Variants in TGFB2 observed in about 807,000 individuals in gnomAD.
The protein encoded by TGFB2 is transforming growth factor beta-2 proprotein.
TGFB2 carries 13 observed loss-of-function variants against 42.7 expected under a neutral mutation model. The ratio of observed to expected loss-of-function variants is 0.30; its 90% CI spans 0.20 to 0.48. TGFB2 has a LOEUF of 0.48. Among genes scored for constraint, TGFB2 ranks in the 20% least tolerant of loss-of-function variants. The probability of loss-of-function intolerance (pLI) is 0.99; values close to 1 mark genes in which losing one functional copy is unlikely to be tolerated. For synonymous variants in TGFB2, 193 were observed against 193.6 expected, an observed-to-expected ratio of 1.00 and a Z score of 0.03; for missense variants, 390 against 517.5, an observed-to-expected ratio of 0.75 and a Z score of 2.39.
chr1:218,364,157 G>T (rs1345515283), intron 1 of TGFB2, among the ~76,000 whole-genome samples: 1 of 152,144 alleles, frequency 6.6e-6, no homozygotes, highest in African/African-American at 2.4e-5. Flanking sequence ...CTGATTATTT[G>T]TGACCTTTGT....
Position 218,383,860 on chromosome 1 carries a change from G to T in TGFB2, c.347-21309G>T, listed in dbSNP as rs543945202. ...GGCTTTGGATTTCCCCATCTAGAAA[G>T]GTAGAGAGTAAACATGTACTGACAA... On this transcript the variant is annotated intron_variant, in intron 1 of 6. Coordinates refer to ENST00000366930, the MANE Select transcript of TGFB2 (RefSeq NM_003238.6). Among the ~76,000 whole-genome samples, 7 of 152,314 alleles carry T rather than the reference G, an allele frequency of 4.6e-5. No individual in the cohort carries two copies. In the East Asian group the frequency reaches 1.2e-3, roughly 25 times the overall value.
At chr1:218,347,442 G>A (rs547583815) in intron 1 of TGFB2, among the ~76,000 whole-genome samples, 1 of 152,262 alleles carries the variant, frequency 6.6e-6, no homozygotes, top group African/African-American at 2.4e-5. Context: ...GATTGGCGTG[G>A]AGCGCGCCGA....
intron 1 of TGFB2, among the ~76,000 whole-genome samples, chr1:218,401,860 G>A (rs1317681): frequency 0.19 from 29,306 of 152,108 alleles, 3,393 homozygotes; most frequent in East Asian, 0.5. Context: ...GGCCTTTTTG[G>A]GTCTCCCTGC....
chr1:218,372,648 C>G (rs1479694829), intron 1 of TGFB2, among the ~76,000 whole-genome samples: 5 of 152,184 alleles, frequency 3.3e-5, no homozygotes, highest in Non-Finnish European at 5.9e-5. Flanking sequence ...GGTACCATGG[C>G]AAAGACTTGG....
At chr1:218,428,861 A>G (rs1365627154) in intron 2 of TGFB2, among the ~76,000 whole-genome samples, 1 of 151,990 alleles carries the variant, frequency 6.6e-6, no homozygotes, top group Non-Finnish European at 1.5e-5. Context: ...AGTTTTTTCC[A>G]ATTCTGTGAA....
intron 5 of TGFB2, among the ~76,000 whole-genome samples, chr1:218,436,828 C>T (rs1374658786): frequency 1.3e-5 from 2 of 152,164 alleles, no homozygotes; most frequent in African/African-American, 4.8e-5. Context: ...TTGCCCTCAG[C>T]AAGACTCCAT....
rs566528140 is a variant in TGFB2, at chr1:218,423,941, C to T, written c.511-10141C>T. Among the ~76,000 whole-genome samples, 20 of 152,322 alleles carry T rather than the reference C, an allele frequency of 1.3e-4. No individual in the cohort carries two copies. In the East Asian group the frequency reaches 3.5e-3, roughly 26 times the overall value. On this transcript the variant is annotated intron_variant, in intron 2 of 6. Coordinates refer to ENST00000366930, the MANE Select transcript of TGFB2 (RefSeq NM_003238.6). ...TAAGCCATAGTTTAGGCTTGTCTGA[C>T]TCCAAAGCCTCTGCACCTTTTCGCT...
At chr1:218,372,969 G>C (rs1443163279) in intron 1 of TGFB2, among the ~76,000 whole-genome samples, 1 of 152,158 alleles carries the variant, frequency 6.6e-6, no homozygotes, top group African/African-American at 2.4e-5. Flanking sequence ...CTGAGGTCAG[G>C]AGTTCAAGAC....
intron 4 of TGFB2, among the ~76,000 whole-genome samples, chr1:218,434,664 A>T (rs999540822): frequency 1.3e-5 from 2 of 152,212 alleles, no homozygotes; most frequent in African/African-American, 4.8e-5. Flanking sequence ...ATGCCCAGTG[A>T]TGACTTGGTC....
intron 2 of TGFB2, among the ~76,000 whole-genome samples, chr1:218,420,862 T>C (rs1571888955): frequency 6.6e-6 from 1 of 152,228 alleles, no homozygotes; most frequent in Non-Finnish European, 1.5e-5. Flanking sequence ...CTCAGTCTTC[T>C]GAGGCTGATA....
rs1660168053 is a variant in TGFB2, at chr1:218,441,966, A to G, written c.*604A>G. On this transcript the variant is annotated 3_prime_UTR_variant, in exon 7 of 7. Transcript: ENST00000366930. ...AACTTGAACTCAAACGAGCCAGAAA[A>G]AAAGAGGTCATATTAATGGGATGAA... 6.6e-6 allele frequency: 1 copy of G among 152,358 alleles called. No individual in the cohort carries two copies. The highest frequency in any genetic ancestry group is 3.4e-3 in the Middle Eastern group (1 of 294). 9.4% of individuals were successfully genotyped at this position (152,358 alleles called of 1,614,324 possible). A position where few individuals can be genotyped will look rare whatever the true frequency, so the allele number is the denominator to read the frequency against.
At chr1:218,371,042 G>A (rs1248914405) in intron 1 of TGFB2, among the ~76,000 whole-genome samples, 1 of 152,232 alleles carries the variant, frequency 6.6e-6, no homozygotes, top group Non-Finnish European at 1.5e-5. Context: ...GCTCGTGCCT[G>A]TAATCCCAGC....
intron 2 of TGFB2, among the ~76,000 whole-genome samples, chr1:218,424,829 T>C (rs1659568356): frequency 6.6e-6 from 1 of 152,262 alleles, no homozygotes; most frequent in Non-Finnish European, 1.5e-5. Context: ...TTAAAAGTAG[T>C]GACCAGAACA....
At chr1:218,420,154 T>A (rs1047004647) in intron 2 of TGFB2, among the ~76,000 whole-genome samples, 5 of 152,070 alleles carry the variant, frequency 3.3e-5, no homozygotes, top group Non-Finnish European at 7.4e-5. Context: ...GAGCTTGAGG[T>A]CTTGTGGACA....
At chr1:218,349,348 G>GA (rs1054170311) in intron 1 of TGFB2, among the ~76,000 whole-genome samples, 4 of 151,864 alleles carry the variant, frequency 2.6e-5, no homozygotes, top group Admixed American at 1.3e-4. Context: ...CAAAAAAAAG[G>GA]AAAAAAAGAA....
intron 2 of TGFB2, among the ~76,000 whole-genome samples, chr1:218,413,647 C>A (rs1335188695): frequency 6.6e-6 from 1 of 152,198 alleles, no homozygotes; most frequent in African/African-American, 2.4e-5. Context: ...GTAAAAGTGA[C>A]TCAACTTACT....
chr1:218,415,626 C>T (rs10482777), intron 2 of TGFB2, among the ~76,000 whole-genome samples: 9 of 132,218 alleles, frequency 6.8e-5, no homozygotes, highest in African/African-American at 2.3e-4. Context: ...ACCTGGTAGG[C>T]GGAATTTGCA....
intron 2 of TGFB2, among the ~76,000 whole-genome samples, chr1:218,414,229 A>G (rs2799095): frequency 0.3 from 29,804 of 100,128 alleles, 3,000 homozygotes; most frequent in South Asian, 0.39. Context: ...ACACATGTGC[A>G]CACACACACA....
chr1:218,439,136 G>T (rs1660070219), intron 6 of TGFB2, among the ~76,000 whole-genome samples: 2 of 151,320 alleles, frequency 1.3e-5, no homozygotes, highest in South Asian at 4.2e-4. Context: ...AAGAAATTGG[G>T]GTCTAGATCA....
Sources: gnomAD v4.1 joint callset for allele counts (sites outside exome capture counted in the v4.1 genomes callset) on GRCh38, gnomAD v4.1.1 for gene constraint, MANE v1.5 for transcripts, NCBI Gene and HGNC (gene_info 2026-07-23, HGNC 2026-07-21) for gene names.